The following OTOGL variants were observed in gnomAD, a reference collection of about 807,000 sequenced individuals.
OTOGL encodes the protein otogelin-like protein.
A neutral mutation model predicts 318.5 loss-of-function variants in OTOGL; 285 were observed. The ratio of observed to expected loss-of-function variants is 0.89; its 90% CI spans 0.81 to 0.99. The LOEUF (loss-of-function observed/expected upper bound fraction) is 0.99, where lower values mean the gene tolerates loss of function less well. Ranked by LOEUF, OTOGL falls within the 50% of genes least tolerant of loss-of-function variation. The pLI is 0.00. For missense variants in OTOGL, 2,899 were observed against 2,845.6 expected, an observed-to-expected ratio of 1.02 and a Z score of -0.43; for synonymous variants, 987 against 936.5, an observed-to-expected ratio of 1.05 and a Z score of -0.99.
intron 16 of OTOGL, 21 bp downstream of exon 16, chr12:80,255,206 C>A: frequency 7.1e-7 from 1 of 1,404,372 alleles, no homozygotes; most frequent in Non-Finnish European, 9.3e-7. Context: ...TTCAAAATGA[C>A]CAGAGGAATA....
At chr12:80,261,932 G>A (rs1320181981) in intron 18 of OTOGL, 37 bp from the exon 19 acceptor site, 1 of 1,597,474 alleles carries the variant, frequency 6.3e-7, no homozygotes, top group Admixed American at 1.7e-5. Context: ...AAATGAATGA[G>A]AGATACATGA....
intron 26 of OTOGL, among the ~76,000 whole-genome samples, chr12:80,296,060 A>G (rs1288081289): frequency 6.6e-6 from 1 of 152,182 alleles, no homozygotes; most frequent in Non-Finnish European, 1.5e-5. Flanking sequence ...TTTAGAGTAG[A>G]GAGACTAAAT....
Position 80,238,956 on chromosome 12 carries a change from C to G in OTOGL, c.923C>G (p.Ser308Cys), listed in dbSNP as rs1329603992. The G allele has an allele frequency of 1.9e-6, 3 of 1,597,454 alleles. No homozygotes were observed. The highest frequency in any genetic ancestry group is 2.5e-6 in the Non-Finnish European group (3 of 1,178,990). Residue 308 changes from serine to cysteine, a missense_variant, in exon 10 of 59, where the codon TCC (serine) becomes TGC (cysteine). Physicochemically the swap from Ser to Cys is moderately radical, Grantham distance 112. Coordinates refer to ENST00000547103, the MANE Select transcript of OTOGL (RefSeq NM_001378609.3). Reference protein sequence around the residue: ...LTPSDFPNPCSSGMPAFEAIF... With the variant: ...LTPSDFPNPCCSGMPAFEAIF... ...CCCTCAGATTTTCCAAATCCGTGCT[C>G]CAGTGGAATGCCAGCATTTGAGGTA... is the stretch of plus-strand genomic sequence containing the variant.
intron 12 of OTOGL, 80 bp downstream of exon 12, chr12:80,251,879 C>A: frequency 7.8e-7 from 1 of 1,274,690 alleles, no homozygotes; most frequent in Non-Finnish European, 1.1e-6. Flanking sequence ...TACTGTACTA[C>A]TCAATACTAA....
rs1889860551 is a variant in OTOGL, at chr12:80,355,848, A to G, written c.5706A>G (p.Glu1902=). ...AGAATGGAAGCATTATCCCTATAGAACCTGACTGTGATGAAGAGCCCACGC... is the reference window on the plus strand; with the variant it reads ...AGAATGGAAGCATTATCCCTATAGAGCCTGACTGTGATGAAGAGCCCACGC... ...CLENGSIIPI[E]PDCDEEPTPV... Residue 1902 remains glutamate, a synonymous_variant, in exon 47 of 59, where the codon GAA becomes GAG. Coordinates refer to ENST00000547103, the MANE Select transcript of OTOGL (RefSeq NM_001378609.3). 1 of 1,613,908 alleles carries G rather than the reference A, an allele frequency of 6.2e-7. No individual in the cohort carries two copies. Among genetic ancestry groups the G allele is most frequent in the Non-Finnish European group, 8.5e-7 (1 of 1,179,842 alleles).
chr12:80,104,147 C>A (rs1176078105), intron 1 of OTOGL, among the ~76,000 whole-genome samples: 1 of 152,104 alleles, frequency 6.6e-6, no homozygotes, highest in Non-Finnish European at 1.5e-5. Flanking sequence ...AGGTATGAGG[C>A]AAGGAACCTA....
At chr12:80,289,287 C>T (rs970612371) in intron 26 of OTOGL, among the ~76,000 whole-genome samples, 11 of 152,250 alleles carry the variant, frequency 7.2e-5, no homozygotes, top group Admixed American at 1.3e-4. Context: ...CAGAGGGGCA[C>T]GCATCTGATG....
In OTOGL at chr12:80,372,958, A is replaced by T. The variant is rs545351189; in HGVS notation, c.6781+894A>T. Among the ~76,000 whole-genome samples the T allele has an allele frequency of 1.4e-4, 21 of 152,296 alleles. No homozygotes were observed. In the South Asian group the frequency reaches 4.3e-3, roughly 32 times the overall value. ...CACTTCGGCCTCCCAAAGTGCTGGG[A>T]TTACTATTTCATACTAATTTTGAAT... On this transcript the variant is annotated intron_variant, in intron 57 of 58. Coordinates refer to ENST00000547103, the MANE Select transcript of OTOGL (RefSeq NM_001378609.3).
chr12:80,323,179 T>G (rs1317003398), intron 34 of OTOGL, among the ~76,000 whole-genome samples: 1 of 150,598 alleles, frequency 6.6e-6, no homozygotes, highest in Admixed American at 6.6e-5. Flanking sequence ...TTCCTCAGCC[T>G]CCTCCAACCA....
intron 33 of OTOGL, among the ~76,000 whole-genome samples, 172 bp downstream of exon 33, chr12:80,318,885 C>A (rs998912163): frequency 6.6e-6 from 1 of 152,094 alleles, no homozygotes; most frequent in South Asian, 2.1e-4. Context: ...CTTTTGTATA[C>A]AAAATCATTT....
rs370589592 is a variant in OTOGL at position 80,312,096 on chromosome 12, G to A, written c.3450+1369G>A. ...TTGATGTGTTTTTAGATTTCACATTGCAAAGAACTTTTTAAAAAATGATAT... is the reference window on the plus strand; with the variant it reads ...TTGATGTGTTTTTAGATTTCACATTACAAAGAACTTTTTAAAAAATGATAT... On this transcript the variant is annotated intron_variant, in intron 30 of 58. Coordinates refer to ENST00000547103, the MANE Select transcript of OTOGL (RefSeq NM_001378609.3). Among the ~76,000 whole-genome samples, 8 of 152,118 alleles carry A rather than the reference G, an allele frequency of 5.3e-5. No homozygotes were observed. The East Asian group carries it at 1.3e-3, about 26-fold the overall frequency.
At chr12:80,282,432 G>A (rs1304221701) in intron 26 of OTOGL, among the ~76,000 whole-genome samples, 1 of 151,562 alleles carries the variant, frequency 6.6e-6, no homozygotes, top group Non-Finnish European at 1.5e-5. Flanking sequence ...TACTTGTCTT[G>A]TCTTCCTTTA....
At chr12:80,189,266 T>C (rs1875514682) in intron 1 of OTOGL, 3 of 240,388 alleles carry the variant, frequency 1.2e-5, no homozygotes, top group Non-Finnish European at 2.0e-5. Flanking sequence ...CTGCTAAACA[T>C]AATCCAGATT....
chr12:80,206,671 A>G (rs920956121), intron 1 of OTOGL, among the ~76,000 whole-genome samples: 4 of 150,190 alleles, frequency 2.7e-5, no homozygotes, highest in African/African-American at 7.3e-5. Context: ...TACCATGCCC[A>G]GCTAATTGTT....
intron 1 of OTOGL, 67 bp downstream of exon 1, chr12:80,099,672 C>T (rs934407278): frequency 6.6e-6 from 1 of 152,100 alleles, no homozygotes; most frequent in African/African-American, 2.4e-5. Flanking sequence ...GGGCAGTTGG[C>T]TGTTCTACTG....
At chr12:80,214,154 A>T (rs1877501405) in intron 4 of OTOGL, among the ~76,000 whole-genome samples, 1 of 152,206 alleles carries the variant, frequency 6.6e-6, no homozygotes, top group African/African-American at 2.4e-5. Context: ...ACTTTTTTGC[A>T]TTGGCATTAC....
chr12:80,111,998 T>C (rs1869869737), intron 1 of OTOGL, among the ~76,000 whole-genome samples: 1 of 152,214 alleles, frequency 6.6e-6, no homozygotes, highest in African/African-American at 2.4e-5. Flanking sequence ...TATTTTATTC[T>C]CTATGTAGCA....
intron 26 of OTOGL, among the ~76,000 whole-genome samples, chr12:80,289,456 A>G (rs7302109): frequency 0.91 from 138,172 of 152,260 alleles, 62,807 homozygotes; most frequent in Admixed American, 0.94. Context: ...CGTCAGAGCC[A>G]GCAGGCACAA....
At chr12:80,357,337 G>A (rs892752635) in intron 49 of OTOGL, among the ~76,000 whole-genome samples, 1 of 152,108 alleles carries the variant, frequency 6.6e-6, no homozygotes, top group African/African-American at 2.4e-5. Context: ...GAAAGAAAGA[G>A]TGACTGGAAA....
Sources: allele counts gnomAD v4.1 joint callset (sites outside exome capture counted in the v4.1 genomes callset), GRCh38; gene constraint gnomAD v4.1.1; transcripts MANE v1.5; gene names NCBI Gene and HGNC (gene_info 2026-07-23, HGNC 2026-07-21).